Variants in TMEM132D observed in about 807,000 individuals in gnomAD.
TMEM132D encodes mature OL transmembrane protein.
In TMEM132D, 21 loss-of-function variants were observed where a neutral mutation model predicts 62.3. The ratio of observed to expected loss-of-function variants is 0.34; its 90% CI spans 0.24 to 0.49. TMEM132D has a LOEUF of 0.49. TMEM132D is among the 20% of genes least tolerant of loss of function. The probability of loss-of-function intolerance (pLI) is 0.99; values close to 1 mark genes in which losing one functional copy is unlikely to be tolerated. For synonymous variants in TMEM132D, 621 were observed against 575.6 expected, an observed-to-expected ratio of 1.08 and a Z score of -1.13; for missense variants, 1,346 against 1,402.8, an observed-to-expected ratio of 0.96 and a Z score of 0.65.
chr12:129,558,184 T>C (rs149760610), intron 2 of TMEM132D, among the ~76,000 whole-genome samples: 4 of 152,286 alleles, frequency 2.6e-5, no homozygotes, highest in Admixed American at 6.5e-5. Context: ...AGGACGGATG[T>C]TGCCCTCACT....
rs367830439 is a variant in TMEM132D at position 129,474,632 on chromosome 12, G to A, written c.1115+56427C>T. Among the ~76,000 whole-genome samples the A allele has an allele frequency of 4.6e-5, 7 of 152,208 alleles. No individual in the cohort carries two copies. In the East Asian group the frequency reaches 7.7e-4, roughly 17 times the overall value. ...GAACTGCCAGCCTTCTCGTCCCTTC[G>A]CGTTGACAGCTGAATATCCCATTGA... On this transcript the variant is annotated intron_variant, in intron 3 of 8. Transcript: ENST00000422113.
chr12:129,281,986 T>C (rs187363377), intron 4 of TMEM132D, among the ~76,000 whole-genome samples: 153 of 152,282 alleles, frequency 1.0e-3, no homozygotes, highest in Non-Finnish European at 1.9e-3. Flanking sequence ...ACCCGCTCCA[T>C]TGCCTGGTTT....
At chr12:129,118,254 G>T (rs1323521866) in intron 5 of TMEM132D, among the ~76,000 whole-genome samples, 2 of 152,170 alleles carry the variant, frequency 1.3e-5, no homozygotes, top group Non-Finnish European at 1.5e-5. Context: ...AATGGAAAAT[G>T]GATACCAATT....
At chr12:129,632,886 G>A (rs746844419) in intron 2 of TMEM132D, among the ~76,000 whole-genome samples, 7 of 152,058 alleles carry the variant, frequency 4.6e-5, no homozygotes, top group African/African-American at 9.7e-5. Flanking sequence ...CAGCCACTTC[G>A]GTGCATTCAC....
intron 5 of TMEM132D, chr12:129,110,634 G>A (rs1370816038): frequency 6.6e-6 from 1 of 152,272 alleles, no homozygotes; most frequent in African/African-American, 2.4e-5. Flanking sequence ...GCATAAGTAA[G>A]GAGAGGAGGG....
chr12:129,367,363 C>G (rs1870448281), intron 3 of TMEM132D, among the ~76,000 whole-genome samples: 1 of 152,172 alleles, frequency 6.6e-6, no homozygotes, highest in South Asian at 2.1e-4. Context: ...AAACACTACA[C>G]ACATTTGCTT....
In TMEM132D at chr12:129,371,329, C is replaced by T. The variant is rs573684177; in HGVS notation, c.1116-33512G>A. Among the ~76,000 whole-genome samples the T allele has an allele frequency of 7.4e-4, 111 of 149,714 alleles. 1 individual carries two copies. The highest frequency in any genetic ancestry group is 2.6e-3 in the African/African-American group (106 of 40,596). On this transcript the variant is annotated intron_variant, in intron 3 of 8. Coordinates refer to ENST00000422113, the MANE Select transcript of TMEM132D (RefSeq NM_133448.3). This position sits in a 1 kb window ranked among gnomAD's most constrained non-coding sequence, Gnocchi z 4.3. ...ATAATGATGATGGTGGTGGTGATAA[C>T]GATGGTGATGATTATAATGATGGTG... is the stretch of plus-strand genomic sequence containing the variant.
intron 5 of TMEM132D, among the ~76,000 whole-genome samples, chr12:129,184,680 C>A (rs911638090): frequency 2.6e-5 from 4 of 152,216 alleles, no homozygotes; most frequent in Non-Finnish European, 5.9e-5. Flanking sequence ...CTGGCGCCTG[C>A]GGCTGTTTTC....
intron 5 of TMEM132D, among the ~76,000 whole-genome samples, chr12:129,096,273 G>A (rs901501790): frequency 3.3e-4 from 51 of 152,290 alleles, no homozygotes; most frequent in Non-Finnish European, 7.4e-5. Flanking sequence ...TCTGGGTCCC[G>A]AGTCGGCCGT....
At chr12:129,610,751 A>G (rs538872171) in intron 2 of TMEM132D, among the ~76,000 whole-genome samples, 1 of 152,242 alleles carries the variant, frequency 6.6e-6, no homozygotes, top group South Asian at 2.1e-4. Context: ...AAAAAAAAAA[A>G]ACTTTAGAAG....
chr12:129,615,069 T>A (rs1351347683), intron 2 of TMEM132D, among the ~76,000 whole-genome samples: 3 of 152,144 alleles, frequency 2.0e-5, no homozygotes, highest in Non-Finnish European at 4.4e-5. Flanking sequence ...CCTAACAGCG[T>A]ATTATATGGC....
chr12:129,087,241 T>C (rs959460156), intron 5 of TMEM132D, among the ~76,000 whole-genome samples: 3 of 152,146 alleles, frequency 2.0e-5, no homozygotes, highest in African/African-American at 7.2e-5. Flanking sequence ...GTTTCGCGTC[T>C]GGTCTAGTGC....
chr12:129,740,156 T>A (rs1017512078), intron 1 of TMEM132D, among the ~76,000 whole-genome samples: 1 of 152,150 alleles, frequency 6.6e-6, no homozygotes, highest in Non-Finnish European at 1.5e-5. Flanking sequence ...TCAGGTTCCT[T>A]AACACTGACC....
At chr12:129,114,427 T>G (rs935854194) in intron 5 of TMEM132D, among the ~76,000 whole-genome samples, 2 of 148,882 alleles carry the variant, frequency 1.3e-5, no homozygotes, top group Admixed American at 6.7e-5. Context: ...CCTCCTTCCC[T>G]CCTTCCTCCC....
chr12:129,393,536 C>T (rs1467236733), intron 3 of TMEM132D, among the ~76,000 whole-genome samples: 1 of 152,158 alleles, frequency 6.6e-6, no homozygotes, highest in Non-Finnish European at 1.5e-5. Context: ...ACAGGCCAGT[C>T]TGTGACTTTC....
intron 4 of TMEM132D, among the ~76,000 whole-genome samples, chr12:129,240,700 G>T (rs1879913597): frequency 6.6e-6 from 1 of 152,196 alleles, no homozygotes; most frequent in South Asian, 2.1e-4. Context: ...TCAAGGTTGA[G>T]GCGCTGGAAC....
intron 2 of TMEM132D, among the ~76,000 whole-genome samples, chr12:129,676,205 G>A (rs1472524533): frequency 6.6e-6 from 1 of 152,156 alleles, no homozygotes; most frequent in Admixed American, 6.5e-5. Context: ...ACCACATCAA[G>A]ATGATGGGGG....
intron 2 of TMEM132D, among the ~76,000 whole-genome samples, chr12:129,542,196 C>T (rs1484235549): frequency 6.6e-6 from 1 of 152,150 alleles, no homozygotes; most frequent in Non-Finnish European, 1.5e-5. Context: ...CAGGGCTCCA[C>T]GATTCACAGG....
intron 3 of TMEM132D, among the ~76,000 whole-genome samples, chr12:129,340,315 T>C (rs932573792): frequency 6.6e-6 from 1 of 152,182 alleles, no homozygotes; most frequent in African/African-American, 2.4e-5. Flanking sequence ...CTTTTTCTTT[T>C]TTTTTATTAT....
Sources: allele counts gnomAD v4.1 joint callset (sites outside exome capture counted in the v4.1 genomes callset), GRCh38; gene constraint gnomAD v4.1.1; non-coding constraint Gnocchi (gnomAD v3.1); transcripts MANE v1.5; gene names NCBI Gene and HGNC (gene_info 2026-07-23, HGNC 2026-07-21).